The following VOPP1 variants were observed in gnomAD, a reference collection of about 807,000 sequenced individuals.
The protein encoded by VOPP1 is WW domain binding protein VOPP1.
In VOPP1, 8 loss-of-function variants were observed where a neutral mutation model predicts 23.5. The ratio of observed to expected loss-of-function variants is 0.34; its 90% CI spans 0.20 to 0.61. VOPP1 has a LOEUF of 0.61. VOPP1 is among the 20% of genes least tolerant of loss of function. The probability of loss-of-function intolerance (pLI) is 0.78; values close to 1 mark genes in which losing one functional copy is unlikely to be tolerated. For missense variants in VOPP1, 174 were observed against 238.1 expected, an observed-to-expected ratio of 0.73 and a Z score of 1.77; for synonymous variants, 83 against 97.3, an observed-to-expected ratio of 0.85 and a Z score of 0.86.
At chr7:55,570,712 CG>C (rs1455595510) in intron 1 of VOPP1, among the ~76,000 whole-genome samples, 1 of 152,106 alleles carries the variant, frequency 6.6e-6, no homozygotes, top group Non-Finnish European at 1.5e-5. Context: ...GAGGCCGAGG[CG>C]GGCGGATCAC....
intron 4 of VOPP1, among the ~76,000 whole-genome samples, chr7:55,436,421 GT>G (rs1362972060): frequency 1.4e-4 from 22 of 152,292 alleles, no homozygotes; most frequent in African/African-American, 5.3e-4. Flanking sequence ...CCTCTAGTCC[GT>G]GTAAGTGCTC....
At chr7:55,436,157 C>T (rs77866989) in exon 5 of VOPP1, 1 of 152,226 alleles carries the variant, frequency 6.6e-6, no homozygotes, top group Non-Finnish European at 1.5e-5. Flanking sequence ...TAGTCCCTGT[C>T]GTCAAGGAGT....
Position 55,471,763 on chromosome 7 carries a change from TCTC to T in VOPP1, c.*1089_*1091del, listed in dbSNP as rs1366838814. On this transcript the variant is annotated 3_prime_UTR_variant, in exon 5 of 5. Coordinates refer to ENST00000285279, the MANE Select transcript of VOPP1 (RefSeq NM_030796.5). ...TGGTCAGTGCAGTTGAGTCAGTACTTCTCCTGTCTTTTCCCAGCAAGCTCCTCC... is the reference window on the plus strand; with the variant it reads ...TGGTCAGTGCAGTTGAGTCAGTACTTCTGTCTTTTCCCAGCAAGCTCCTCC... The T allele has an allele frequency of 6.6e-6, 1 of 151,476 alleles. No homozygotes were observed. The highest frequency in any genetic ancestry group is 1.9e-4 in the East Asian group (1 of 5,142). The allele number at this position is 151,476 out of a possible 1,614,324, so 9.4% of individuals were successfully genotyped here.
chr7:55,515,951 T>TCTGGGCTC (rs1221867245), intron 2 of VOPP1: 1 of 985,290 alleles, frequency 1.0e-6, no homozygotes, highest in Non-Finnish European at 1.2e-6. Context: ...TCTTCTCATC[T>TCTGGGCTC]CTGGGCTCCA....
At chr7:55,481,480 G>A (rs1407411431) in intron 4 of VOPP1, among the ~76,000 whole-genome samples, 1 of 152,332 alleles carries the variant, frequency 6.6e-6, no homozygotes, top group South Asian at 2.1e-4. Flanking sequence ...GGGTGGTGTC[G>A]AGAGAAAAGG....
In VOPP1 at chr7:55,475,616, G is replaced by A. The variant is rs184697468; in HGVS notation, c.329-2571C>T. Among the ~76,000 whole-genome samples the A allele has an allele frequency of 2.2e-4, 33 of 152,254 alleles. No homozygotes were observed. The East Asian group carries it at 6.2e-3, about 29-fold the overall frequency. ...CACAGAGGTGACAGCCAGGAGCAAG[G>A]GGACTCCACCACCCCTCCCTTCCCT... On this transcript the variant is annotated intron_variant, in intron 4 of 4. Coordinates refer to ENST00000285279, the MANE Select transcript of VOPP1 (RefSeq NM_030796.5).
intron 1 of VOPP1, among the ~76,000 whole-genome samples, chr7:55,555,020 AG>A (rs1797755002): frequency 1.3e-5 from 2 of 152,334 alleles, no homozygotes; most frequent in South Asian, 4.1e-4. Context: ...ATCAGGTGAA[AG>A]GTGCTGTTTA....
Position 55,572,330 on chromosome 7 carries a change from C to G in VOPP1, c.-6G>C, listed in dbSNP as rs996051860. On this transcript the variant is annotated 5_prime_UTR_variant, in exon 1 of 5. Transcript: ENST00000285279. Reference sequence around the variant, plus strand: ...TTCGCAGGCTGGCGCCTCATGGCTCCTCGCGTCCTCTCCAGCGCGCCCGGA... The same window carrying G: ...TTCGCAGGCTGGCGCCTCATGGCTCGTCGCGTCCTCTCCAGCGCGCCCGGA... 2.1e-6 allele frequency: 3 copies of G among 1,454,470 alleles called. No individual in the cohort carries two copies. The highest frequency in any genetic ancestry group is 2.7e-6 in the Non-Finnish European group (3 of 1,106,656). 90.1% of individuals were successfully genotyped at this position (1,454,470 alleles called of 1,614,324 possible).
At chr7:55,435,120 T>C (rs1383483730), downstream of VOPP1, among the ~76,000 whole-genome samples, 35 of 152,214 alleles carry the variant, frequency 2.3e-4, no homozygotes, top group Admixed American at 2.3e-3. Context: ...AGCCTCATAG[T>C]CTGGTGAGAG....
intron 2 of VOPP1, among the ~76,000 whole-genome samples, chr7:55,516,932 A>ATATATATATTTTTTTTTTTTTTT (rs1562947689): frequency 2.2e-5 from 1 of 45,156 alleles, no homozygotes; most frequent in African/African-American, 1.2e-4. Context: ...ATATATATAT[A>ATATATATATTTTTTTTTTTTTTT]TTTTTTTTTT....
Position 55,532,520 on chromosome 7 carries a change from C to A in VOPP1, c.55-11390G>T, listed in dbSNP as rs188062112. On this transcript the variant is annotated intron_variant, in intron 1 of 4. Transcript: ENST00000285279. Reference sequence around the variant, plus strand: ...CTAAAGATGCAGTTAACATTCTCTACAACGTACTTTTGTGTCTCTATGGAG... The same window carrying A: ...CTAAAGATGCAGTTAACATTCTCTAAAACGTACTTTTGTGTCTCTATGGAG... 6.6e-5 allele frequency among the ~76,000 whole-genome samples: 10 copies of A among 152,356 alleles called. No individual in the cohort carries two copies. In the East Asian group the frequency reaches 7.7e-4, roughly 12 times the overall value.
intron 1 of VOPP1, among the ~76,000 whole-genome samples, chr7:55,566,153 A>T (rs542908519): frequency 6.6e-6 from 1 of 152,340 alleles, no homozygotes; most frequent in Non-Finnish European, 1.5e-5. Context: ...TGATATGAAT[A>T]AAAAGGACAA....
chr7:55,468,295 A>G (rs1448912812), downstream of VOPP1, among the ~76,000 whole-genome samples: 7 of 151,816 alleles, frequency 4.6e-5, no homozygotes, highest in Non-Finnish European at 8.8e-5. Context: ...AAAAGAAAAA[A>G]AAAGAAAGAA....
intron 1 of VOPP1, among the ~76,000 whole-genome samples, chr7:55,559,411 G>A (rs563685083): frequency 2.6e-5 from 4 of 152,240 alleles, no homozygotes; most frequent in African/African-American, 9.6e-5. Flanking sequence ...CCGTGCCATT[G>A]GGCCGACCAA....
chr7:55,457,815 T>C (rs1436962215), intron 4 of VOPP1, among the ~76,000 whole-genome samples: 5 of 151,950 alleles, frequency 3.3e-5, no homozygotes, highest in African/African-American at 4.8e-5. Flanking sequence ...TTTTTTTTGC[T>C]GTTGAATTCC....
At chr7:55,463,561 A>C (rs539413895) in intron 4 of VOPP1, among the ~76,000 whole-genome samples, 1 of 152,160 alleles carries the variant, frequency 6.6e-6, no homozygotes, top group Non-Finnish European at 1.5e-5. Context: ...GGTATCTGTG[A>C]GTTCCTCAGT....
chr7:55,560,979 C>G (rs1219001671), intron 1 of VOPP1, among the ~76,000 whole-genome samples: 1 of 152,190 alleles, frequency 6.6e-6, no homozygotes, highest in Non-Finnish European at 1.5e-5. Flanking sequence ...TGGCAGCCAC[C>G]CTTCTACCTC....
chr7:55,523,581 T>C (rs1276107240), intron 1 of VOPP1, among the ~76,000 whole-genome samples: 2 of 152,194 alleles, frequency 1.3e-5, no homozygotes, highest in African/African-American at 4.8e-5. Context: ...CACATACCAG[T>C]GAGAGCTTGC....
At chr7:55,461,258 G>T (rs1056333491) in intron 4 of VOPP1, among the ~76,000 whole-genome samples, 3 of 152,072 alleles carry the variant, frequency 2.0e-5, no homozygotes, top group Non-Finnish European at 4.4e-5. Flanking sequence ...GGGGGTGAGG[G>T]ATAAAAGACT....
Sources: allele counts gnomAD v4.1 joint callset (sites outside exome capture counted in the v4.1 genomes callset), GRCh38; gene constraint gnomAD v4.1.1; transcripts MANE v1.5; gene names NCBI Gene and HGNC (gene_info 2026-07-23, HGNC 2026-07-21).